Variants in ETFA observed in about 807,000 individuals in gnomAD.
ETFA encodes the protein electron transfer flavoprotein subunit alpha, also known as electron transfer flavoprotein subunit alpha, mitochondrial.
ETFA carries 22 observed loss-of-function variants against 46.2 expected under a neutral mutation model. That is an observed-to-expected ratio of 0.48 (90% CI 0.34 to 0.68). The LOEUF (loss-of-function observed/expected upper bound fraction) is 0.68. ETFA is among the 30% of genes least tolerant of loss of function. The probability of loss-of-function intolerance (pLI) is 0.01; values close to 1 mark genes in which losing one functional copy is unlikely to be tolerated. For missense variants in ETFA, 345 were observed against 401.1 expected (o/e 0.86, Z 1.19); for synonymous variants, 131 against 139.9 (o/e 0.94, Z 0.45).
intron 11 of ETFA, chr15:76,217,593 C>G (rs906052721): frequency 4.4e-6 from 2 of 455,338 alleles, no homozygotes; most frequent in African/African-American, 4.0e-5. Context: ...AACCCTTAGT[C>G]GTGGCAGTGC....
intron 4 of ETFA, 32 bp from the exon 5 acceptor site, chr15:76,287,977 C>T (rs1178889757): frequency 2.3e-6 from 3 of 1,311,134 alleles, no homozygotes; most frequent in Non-Finnish European, 3.3e-6. Flanking sequence ...AGTTAACACA[C>T]ATACATAGTG....
At chr15:76,262,021 T>A (rs921238126) in intron 9 of ETFA, among the ~76,000 whole-genome samples, 6 of 152,022 alleles carry the variant, frequency 3.9e-5, no homozygotes, top group African/African-American at 1.4e-4. Context: ...TGCGCAAGGA[T>A]GTAAAGTAAA....
chr15:76,240,402 C>T (rs549936363), intron 9 of ETFA, among the ~76,000 whole-genome samples: 72 of 152,292 alleles, frequency 4.7e-4, no homozygotes, highest in African/African-American at 1.6e-3. Flanking sequence ...TACCTTTTCT[C>T]CCAGGACATA....
chr15:76,241,079 T>C (rs2141473179), intron 9 of ETFA, among the ~76,000 whole-genome samples: 1 of 152,260 alleles, frequency 6.6e-6, no homozygotes, highest in African/African-American at 2.4e-5. Context: ...AAGTATATTA[T>C]TATATACTTA....
intron 9 of ETFA, among the ~76,000 whole-genome samples, chr15:76,271,107 T>C (rs943369482): frequency 1.3e-5 from 2 of 148,564 alleles, no homozygotes; most frequent in African/African-American, 5.0e-5. Context: ...AAGGCAGAAG[T>C]TCCAGTGAGC....
At chr15:76,246,599 A>C (rs1231243704) in intron 9 of ETFA, among the ~76,000 whole-genome samples, 1 of 152,172 alleles carries the variant, frequency 6.6e-6, no homozygotes, top group Non-Finnish European at 1.5e-5. Context: ...TGGGAGGCTG[A>C]GGCAGGCAGA....
chr15:76,268,953 C>T (rs1465482590), intron 9 of ETFA, among the ~76,000 whole-genome samples: 1 of 152,198 alleles, frequency 6.6e-6, no homozygotes, highest in African/African-American at 2.4e-5. Flanking sequence ...TATTGTAAAA[C>T]TAAAATAGCA....
chr15:76,288,365 G>C (rs1006988986), intron 4 of ETFA, among the ~76,000 whole-genome samples: 1 of 151,914 alleles, frequency 6.6e-6, no homozygotes, highest in Middle Eastern at 3.2e-3. Context: ...GTATATAAAA[G>C]AAAAAAATTC....
At chr15:76,304,900 G>A (rs762266618) in intron 1 of ETFA, among the ~76,000 whole-genome samples, 25 of 151,760 alleles carry the variant, frequency 1.6e-4, no homozygotes, top group African/African-American at 3.9e-4. Context: ...AAAATTAGCC[G>A]GGCGTGGTGG....
At chr15:76,217,491 C>A in intron 11 of ETFA, 1 of 364,140 alleles carries the variant, frequency 2.7e-6, no homozygotes, top group South Asian at 2.0e-5. Flanking sequence ...ACCTTGTGTG[C>A]TAATGCAGTG....
chr15:76,273,238 G>A (rs746982577), intron 9 of ETFA, among the ~76,000 whole-genome samples: 5 of 152,030 alleles, frequency 3.3e-5, no homozygotes, highest in Admixed American at 6.6e-5. Flanking sequence ...TTTTCAACAG[G>A]CAAAAGACTT....
Position 76,234,842 on chromosome 15 carries a change from A to G in ETFA, c.817-3444T>C, listed in dbSNP as rs530959517. The stretch of plus-strand genomic sequence containing the variant: ...AACCTTAACACAAACAAGTACTGGC[A>G]GAAAAAAGCACAAATACCTCTTCCT... On this transcript the variant is annotated intron_variant, in intron 9 of 11. Coordinates refer to ENST00000557943, the MANE Select transcript of ETFA (RefSeq NM_000126.4). Among the ~76,000 whole-genome samples, 3 of 152,362 alleles carry G rather than the reference A, an allele frequency of 2.0e-5. No homozygotes were observed. In the South Asian group the frequency reaches 6.2e-4, roughly 32 times the overall value.
chr15:76,219,779 G>A (rs1444788816), intron 11 of ETFA, among the ~76,000 whole-genome samples: 1 of 152,098 alleles, frequency 6.6e-6, no homozygotes, highest in Non-Finnish European at 1.5e-5. Flanking sequence ...GTCACAATGA[G>A]ACACCACTTC....
At chr15:76,249,129 A>AC (rs2039270865) in intron 9 of ETFA, among the ~76,000 whole-genome samples, 1 of 140,682 alleles carries the variant, frequency 7.1e-6, no homozygotes, top group Admixed American at 7.1e-5. Context: ...TACCATAGTA[A>AC]TTTTTTTTTT....
intron 1 of ETFA, among the ~76,000 whole-genome samples, chr15:76,298,124 C>A (rs1194205261): frequency 6.6e-6 from 1 of 151,750 alleles, no homozygotes; most frequent in Non-Finnish European, 1.5e-5. Flanking sequence ...CTCACTGCAA[C>A]CACCGCCTCC....
intron 10 of ETFA, chr15:76,230,974 T>G: frequency 4.5e-6 from 1 of 223,210 alleles, no homozygotes; most frequent in Non-Finnish European, 8.9e-6. Context: ...CATCAAATTG[T>G]TTAAGTCTGA....
At chr15:76,223,363 A>G (rs7175022) in intron 11 of ETFA, among the ~76,000 whole-genome samples, 10,592 of 151,710 alleles carry the variant, frequency 0.07, 436 homozygotes, top group Middle Eastern at 0.12. Flanking sequence ...GATTACAGGC[A>G]TGCATCACCA....
intron 1 of ETFA, among the ~76,000 whole-genome samples, chr15:76,310,369 G>GAAAAAAAAAAAAAAAAAAAAAAAAAA (rs34111559): frequency 9.6e-6 from 1 of 104,462 alleles, no homozygotes; most frequent in African/African-American, 3.7e-5. Context: ...TCCATGCCCA[G>GAAAAAAAAAAAAAAAAAAAAAAAAAA]AAAAAAAAAA....
intron 9 of ETFA, chr15:76,260,262 G>A (rs1236003053): frequency 8.4e-7 from 1 of 1,184,968 alleles, no homozygotes; most frequent in Non-Finnish European, 1.3e-6. Context: ...TTGATTGAAG[G>A]ACCGGGCTGC....
Sources: allele counts gnomAD v4.1 joint callset (sites outside exome capture counted in the v4.1 genomes callset), GRCh38; gene constraint gnomAD v4.1.1; transcripts MANE v1.5; gene names NCBI Gene and HGNC (gene_info 2026-07-23, HGNC 2026-07-21).